Variants in LHFPL6 observed in about 807,000 individuals in gnomAD.
The protein encoded by LHFPL6 is LHFPL tetraspan subfamily member 6 protein.
LHFPL6 carries 9 observed loss-of-function variants against 20.6 expected under a neutral mutation model. The ratio of observed to expected loss-of-function variants is 0.44; its 90% CI spans 0.26 to 0.76. LHFPL6 has a LOEUF of 0.76. Ranked by LOEUF, LHFPL6 falls within the 30% of genes least tolerant of loss-of-function variation. The pLI is 0.20. For missense variants in LHFPL6, 218 were observed against 253.5 expected (o/e 0.86, Z 0.95); for synonymous variants, 105 against 98.7 (o/e 1.06, Z -0.38).
At chr13:39,533,887 TG>T (rs1303379657) in intron 2 of LHFPL6, among the ~76,000 whole-genome samples, 1 of 152,018 alleles carries the variant, frequency 6.6e-6, no homozygotes, top group African/African-American at 2.4e-5. Context: ...GAATGGTGGG[TG>T]GGGGGTGACA....
intron 3 of LHFPL6, among the ~76,000 whole-genome samples, chr13:39,352,893 G>T (rs372852694): frequency 6.0e-5 from 2 of 33,368 alleles, no homozygotes; most frequent in Non-Finnish European, 1.2e-4. Flanking sequence ...GTATATATAT[G>T]TGTATATATA....
chr13:39,412,189 A>G (rs1871252958), intron 2 of LHFPL6, among the ~76,000 whole-genome samples: 1 of 152,140 alleles, frequency 6.6e-6, no homozygotes, highest in South Asian at 2.1e-4. Context: ...TCAGGAGACT[A>G]TCGATACTTA....
At chr13:39,555,324 CTTTT>C (rs74344851) in intron 2 of LHFPL6, among the ~76,000 whole-genome samples, 3 of 135,106 alleles carry the variant, frequency 2.2e-5, no homozygotes, top group Non-Finnish European at 3.2e-5. Flanking sequence ...TCTCCCCGCC[CTTTT>C]TTTTTTTTTT....
At chr13:39,358,596 AACAG>A (rs77655088) in intron 3 of LHFPL6, among the ~76,000 whole-genome samples, 92,389 of 151,632 alleles carry the variant, frequency 0.61, 28,903 homozygotes, top group East Asian at 0.69. Flanking sequence ...CAACGGAGTA[AACAG>A]ACAGCCTACA....
chr13:39,520,355 G>C (rs1223099172), intron 2 of LHFPL6, among the ~76,000 whole-genome samples: 1 of 152,050 alleles, frequency 6.6e-6, no homozygotes, highest in African/African-American at 2.4e-5. Flanking sequence ...TCCTATCAGG[G>C]ACACCCAACC....
At chr13:39,595,198 A>C (rs1363512843) in intron 2 of LHFPL6, among the ~76,000 whole-genome samples, 1 of 152,228 alleles carries the variant, frequency 6.6e-6, no homozygotes, top group African/African-American at 2.4e-5. Context: ...ATATTATAAA[A>C]GATTTATTAA....
At chr13:39,372,751 T>TA (rs146194231) in intron 3 of LHFPL6, among the ~76,000 whole-genome samples, 3,319 of 152,376 alleles carry the variant, frequency 0.022, 118 homozygotes, top group African/African-American at 0.076. Context: ...TTCAGATTCC[T>TA]ACACATTATA....
chr13:39,370,938 A>G (rs929640883), intron 3 of LHFPL6, among the ~76,000 whole-genome samples: 2 of 152,202 alleles, frequency 1.3e-5, no homozygotes, highest in African/African-American at 2.4e-5. Context: ...CAGAAATTGC[A>G]AACAGATTTT....
At chr13:39,372,974 A>C (rs115486704) in intron 3 of LHFPL6, among the ~76,000 whole-genome samples, 3,558 of 152,138 alleles carry the variant, frequency 0.023, 49 homozygotes, top group Middle Eastern at 0.065. Context: ...TCTGCAACCT[A>C]TCTCTCCATG....
rs9566435 is a variant in LHFPL6, at chr13:39,441,898, C to T, written c.386-63372G>A. On this transcript the variant is annotated intron_variant, in intron 2 of 3. Coordinates refer to ENST00000379589, the MANE Select transcript of LHFPL6 (RefSeq NM_005780.3). The stretch of plus-strand genomic sequence containing the variant: ...GGACTGGAGTGCAATGGTGCTGCCT[C>T]GGCTCATTGCAACCTCCGCCTCCCA... Among the ~76,000 whole-genome samples the T allele has an allele frequency of 0.013, 1,880 of 146,030 alleles. 85 individuals carry two copies. The East Asian group carries it at 0.15, about 12-fold the overall frequency.
Position 39,396,477 on chromosome 13 carries a change from C to A in LHFPL6, c.386-17951G>T, listed in dbSNP as rs113300573. 3.8e-3 allele frequency among the ~76,000 whole-genome samples: 581 copies of A among 152,216 alleles called. 4 individuals carry two copies. The highest frequency in any genetic ancestry group is 0.013 in the African/African-American group (540 of 41,526). On this transcript the variant is annotated intron_variant, in intron 2 of 3. Coordinates refer to ENST00000379589, the MANE Select transcript of LHFPL6 (RefSeq NM_005780.3). ...CATACTGGAGTAGGGTAGGTCACTA[C>A]TCTGATGTGACTGGTGTCCTTATAA... is the stretch of plus-strand genomic sequence containing the variant.
At chr13:39,430,860 G>A (rs1234333400) in intron 2 of LHFPL6, among the ~76,000 whole-genome samples, 1 of 152,192 alleles carries the variant, frequency 6.6e-6, no homozygotes, top group Non-Finnish European at 1.5e-5. Context: ...TCAAATAAGG[G>A]AAGAAAAACT....
intron 2 of LHFPL6, among the ~76,000 whole-genome samples, chr13:39,548,926 T>A (rs1251425740): frequency 6.6e-6 from 1 of 152,032 alleles, no homozygotes. Context: ...TTGATCAAAA[T>A]CAAAACTTCT....
intron 2 of LHFPL6, among the ~76,000 whole-genome samples, chr13:39,541,244 A>G (rs1870786935): frequency 6.6e-6 from 1 of 152,212 alleles, no homozygotes. Flanking sequence ...CCAAAGGAGA[A>G]GAGCTTGGTT....
rs544224808 is a variant in LHFPL6 at position 39,402,227 on chromosome 13, T to C, written c.386-23701A>G. Among the ~76,000 whole-genome samples, 105 of 152,312 alleles carry C rather than the reference T, an allele frequency of 6.9e-4. 1 individual carries two copies. Among genetic ancestry groups the C allele is most frequent in the Admixed American group, 2.9e-3 (44 of 15,306 alleles). On this transcript the variant is annotated intron_variant, in intron 2 of 3. Coordinates refer to ENST00000379589, the MANE Select transcript of LHFPL6 (RefSeq NM_005780.3). ...TGCTTTTTTAAAATTAATTAATTAATATTTTATTATTTTTTGAGTTGGGGT... is the reference window on the plus strand; with the variant it reads ...TGCTTTTTTAAAATTAATTAATTAACATTTTATTATTTTTTGAGTTGGGGT...
chr13:39,464,509 G>C (rs186008847), intron 2 of LHFPL6, among the ~76,000 whole-genome samples: 1 of 152,250 alleles, frequency 6.6e-6, no homozygotes, highest in Admixed American at 6.5e-5. Context: ...CTCTCCATGA[G>C]AGAACACATG....
chr13:39,527,093 T>C (rs1870313868), intron 2 of LHFPL6, among the ~76,000 whole-genome samples: 1 of 152,218 alleles, frequency 6.6e-6, no homozygotes, highest in Non-Finnish European at 1.5e-5. Flanking sequence ...GGTACTTACC[T>C]TGCTCAGTGA....
intron 2 of LHFPL6, among the ~76,000 whole-genome samples, chr13:39,419,704 A>G (rs1274461352): frequency 6.6e-6 from 1 of 152,218 alleles, no homozygotes; most frequent in African/African-American, 2.4e-5. Flanking sequence ...TAAAAAATTT[A>G]ATCATTTCGA....
chr13:39,387,993 C>A lies in LHFPL6; in HGVS notation c.386-9467G>T, dbSNP rs182135988. On this transcript the variant is annotated intron_variant, in intron 2 of 3. Transcript: ENST00000379589. ...TGAGAACCCCAGTTGTGAGCGCTGG[C>A]ACACAAAAAGCTTCTGTCCAAAGAG... Among the ~76,000 whole-genome samples, 15 of 152,182 alleles carry A rather than the reference C, an allele frequency of 9.9e-5. 1 individual carries two copies. The highest frequency in any genetic ancestry group is 1.9e-4 in the Non-Finnish European group (13 of 68,018).
Sources: allele counts gnomAD v4.1 joint callset (sites outside exome capture counted in the v4.1 genomes callset), GRCh38; gene constraint gnomAD v4.1.1; transcripts MANE v1.5; gene names NCBI Gene and HGNC (gene_info 2026-07-23, HGNC 2026-07-21).